Variants in PCCB observed in about 807,000 individuals in gnomAD.
PCCB encodes propionyl-CoA carboxylase beta chain, mitochondrial.
A neutral mutation model predicts 60.7 loss-of-function variants in PCCB; 43 were observed. The observed-to-expected ratio is 0.71, with a 90% CI of 0.55 to 0.91. The LOEUF (loss-of-function observed/expected upper bound fraction) is 0.91. Among genes scored for constraint, PCCB ranks in the 40% least tolerant of loss-of-function variants. The pLI is 0.00. For synonymous variants in PCCB, 276 were observed against 255.9 expected (o/e 1.08, Z -0.75); for missense variants, 766 against 702.8 (o/e 1.09, Z -1.02).
intron 10 of PCCB, among the ~76,000 whole-genome samples, chr3:136,318,875 T>C (rs1457389824): frequency 6.6e-6 from 1 of 152,238 alleles, no homozygotes; most frequent in African/African-American, 2.4e-5. Context: ...GGAATAAACA[T>C]TGATATATAA....
intron 5 of PCCB, among the ~76,000 whole-genome samples, chr3:136,263,641 G>A (rs534864353): frequency 3.5e-4 from 54 of 152,142 alleles, no homozygotes; most frequent in African/African-American, 1.3e-3. Context: ...GCTTACTAAT[G>A]CTGCTTGTCA....
intron 8 of PCCB, among the ~76,000 whole-genome samples, chr3:136,299,083 G>C (rs1038282771): frequency 2.0e-5 from 3 of 152,100 alleles, no homozygotes; most frequent in African/African-American, 7.2e-5. Context: ...AGTTCCTGAA[G>C]GGTTTAGGAC....
Position 136,255,974 on chromosome 3 carries a change from A to C in PCCB, c.302A>C (p.Lys101Thr). The C allele has an allele frequency of 1.2e-6, 2 of 1,614,206 alleles. No homozygotes were observed. The highest frequency in any genetic ancestry group is 1.7e-6 in the Non-Finnish European group (2 of 1,179,994). ...TTTGGAATGGCTGCTGATAAGAATA[A>C]GGTATTTGTTCAAATGGTGGTGTGA... ...ADFGMAADKN[K>T]FPGDSVVTGR... The change falls in exon 2 of 15, where the codon AAG (lysine) becomes ACG (threonine). Residue 101 changes from lysine (K) to threonine (T), a missense_variant and splice_region_variant. By Grantham distance (78) the Lys-to-Thr change is moderately conservative. Coordinates refer to ENST00000251654, the MANE Select transcript of PCCB (RefSeq NM_000532.5).
intron 10 of PCCB, chr3:136,326,457 C>T: frequency 1.4e-6 from 1 of 699,354 alleles, no homozygotes; most frequent in Admixed American, 2.0e-5. Flanking sequence ...GAGCCAGAAT[C>T]TGATTGGAAG....
intron 3 of PCCB, 137 bp from the exon 4 acceptor site, chr3:136,260,342 T>A: frequency 1.4e-6 from 1 of 739,332 alleles, no homozygotes. Flanking sequence ...CCTCCCAAAG[T>A]GTTGGGATTA....
chr3:136,260,789 T>C (rs1020092655), intron 4 of PCCB, among the ~76,000 whole-genome samples: 1 of 152,214 alleles, frequency 6.6e-6, no homozygotes, highest in African/African-American at 2.4e-5. Context: ...TTAAAAATGT[T>C]TTTAAAAACC....
At chr3:136,263,111 C>T (rs571089594) in intron 5 of PCCB, among the ~76,000 whole-genome samples, 14 of 151,814 alleles carry the variant, frequency 9.2e-5, no homozygotes, top group Non-Finnish European at 1.3e-4. Flanking sequence ...TCTGCCACCA[C>T]GCCCAGCTAA....
chr3:136,297,198 G>T (rs763841804), intron 7 of PCCB, among the ~76,000 whole-genome samples: 3 of 152,118 alleles, frequency 2.0e-5, no homozygotes, highest in East Asian at 1.9e-4. Flanking sequence ...AAAGGCTCTC[G>T]GTAGGAGAGT....
intron 1 of PCCB, 89 bp downstream of exon 1, chr3:136,250,647 G>A: frequency 7.5e-7 from 1 of 1,339,724 alleles, no homozygotes; most frequent in Non-Finnish European, 1.0e-6. Flanking sequence ...AGGCCTCCCT[G>A]CCAATCCGCA....
rs566564639 is a variant in PCCB, at chr3:136,298,194, C to G, written c.884+122C>G. 151 of 1,203,194 alleles carry G rather than the reference C, an allele frequency of 1.3e-4. 3 individuals are homozygous for G. The South Asian group carries it at 1.8e-3, about 14-fold the overall frequency. The allele number at this position is 1,203,194 out of a possible 1,614,324, so 74.5% of individuals were successfully genotyped here. ...TGCAGCAGAGTGTGGTAGAGTGGCT[C>G]CCAGGTGTGGGGATGATGTCATGTT... On this transcript the variant is annotated intron_variant, in intron 8 of 14. Transcript: ENST00000251654.
intron 5 of PCCB, 42 bp downstream of exon 5, chr3:136,262,107 A>G: frequency 8.0e-7 from 1 of 1,255,428 alleles, no homozygotes; most frequent in East Asian, 2.5e-5. Context: ...TACAGGGCTT[A>G]AGTTCTCTAA....
At chr3:136,276,613 G>C (rs1171206569) in intron 5 of PCCB, among the ~76,000 whole-genome samples, 2 of 152,212 alleles carry the variant, frequency 1.3e-5, no homozygotes, top group Admixed American at 1.3e-4. Context: ...CTCCTGTGGA[G>C]ATGCAGTCAC....
chr3:136,261,663 A>G (rs1447782575), intron 4 of PCCB, among the ~76,000 whole-genome samples: 2 of 152,216 alleles, frequency 1.3e-5, no homozygotes, highest in African/African-American at 4.8e-5. Flanking sequence ...AGACGTTACA[A>G]CGTGAGCCTG....
rs752029455 is a variant in PCCB at position 136,298,072 on chromosome 3, G to C, written c.884G>C (p.Ser295Thr). The change falls in exon 8 of 15, where the codon AGT becomes ACT. Residue 295 changes from serine (S) to threonine (T), a missense_variant and splice_region_variant. Transcript: ENST00000251654. ...PAPVRECHDPSDRLVPELDTI... is the reference protein window; with the variant it reads ...PAPVRECHDPTDRLVPELDTI... ...CCCGTCCGTGAGTGCCACGATCCCAGGTGGGTTGTAGGCCGGTGCACCTTC... is the reference window on the plus strand; with the variant it reads ...CCCGTCCGTGAGTGCCACGATCCCACGTGGGTTGTAGGCCGGTGCACCTTC... 2.5e-6 allele frequency: 4 copies of C among 1,614,128 alleles called. No individual in the cohort carries two copies. The Middle Eastern group carries it at 4.9e-4, about 200-fold the overall frequency.
chr3:136,268,876 C>A (rs1174976854), intron 5 of PCCB, among the ~76,000 whole-genome samples: 2 of 152,172 alleles, frequency 1.3e-5, no homozygotes, highest in Non-Finnish European at 2.9e-5. Flanking sequence ...TCTTCCACTC[C>A]ACGTAGATGG....
intron 10 of PCCB, among the ~76,000 whole-genome samples, chr3:136,324,849 G>GA (rs1490003163): frequency 6.6e-6 from 1 of 152,164 alleles, no homozygotes; most frequent in Non-Finnish European, 1.5e-5. Context: ...AACCAGGGAG[G>GA]AAATGGGACA....
intron 9 of PCCB, among the ~76,000 whole-genome samples, chr3:136,312,957 A>G (rs549034220): frequency 2.7e-4 from 41 of 152,354 alleles, no homozygotes; most frequent in African/African-American, 9.9e-4. Flanking sequence ...TAGCTCACAA[A>G]AAAGATATAA....
intron 6 of PCCB, among the ~76,000 whole-genome samples, chr3:136,288,725 G>A (rs1006990120): frequency 4.6e-5 from 7 of 151,824 alleles, no homozygotes; most frequent in Non-Finnish European, 8.8e-5. Flanking sequence ...CCACAGCCTC[G>A]ACCTGCTGGG....
At chr3:136,298,884 A>T (rs1282143507) in intron 8 of PCCB, among the ~76,000 whole-genome samples, 1 of 151,656 alleles carries the variant, frequency 6.6e-6, no homozygotes, top group African/African-American at 2.4e-5. Flanking sequence ...TTAAACCTGG[A>T]CTCCTTCCTG....
Sources: gnomAD v4.1 joint callset for allele counts (sites outside exome capture counted in the v4.1 genomes callset) on GRCh38, gnomAD v4.1.1 for gene constraint, MANE v1.5 for transcripts, NCBI Gene and HGNC (gene_info 2026-07-23, HGNC 2026-07-21) for gene names.